The following RHPN2 variants were observed in gnomAD, a reference collection of about 807,000 sequenced individuals.
RHPN2 encodes the protein rhophilin-2.
In RHPN2, 40 loss-of-function variants were observed where a neutral mutation model predicts 79.0. The observed-to-expected ratio is 0.51, with a 90% CI of 0.39 to 0.66. RHPN2 has a LOEUF of 0.66. RHPN2 is among the 30% of genes least tolerant of loss of function. The probability of loss-of-function intolerance (pLI) is 0.00; values close to 1 mark genes in which losing one functional copy is unlikely to be tolerated. For missense variants in RHPN2, 686 were observed against 883.5 expected (o/e 0.78, Z 2.83); for synonymous variants, 285 against 363.5 (o/e 0.78, Z 2.46).
chr19:33,045,749 C>T (rs968749063), intron 1 of RHPN2, among the ~76,000 whole-genome samples: 3 of 152,224 alleles, frequency 2.0e-5, no homozygotes, highest in Non-Finnish European at 2.9e-5. Flanking sequence ...GCTGGGATTA[C>T]AGGCGCGAGC....
intron 9 of RHPN2, 85 bp downstream of exon 9, chr19:33,002,162 C>A: frequency 6.7e-7 from 1 of 1,490,690 alleles, no homozygotes; most frequent in African/African-American, 1.4e-5. Flanking sequence ...CCAGGGAAGG[C>A]AGTTAGCTCT....
At chr19:33,036,886 C>T (rs1426470517) in intron 2 of RHPN2, among the ~76,000 whole-genome samples, 1 of 149,276 alleles carries the variant, frequency 6.7e-6, no homozygotes, top group East Asian at 2.0e-4. Context: ...CCGCCACCCT[C>T]TGTGGGCTCC....
At chr19:33,036,067 A>C (rs1972053328) in intron 2 of RHPN2, among the ~76,000 whole-genome samples, 1 of 151,496 alleles carries the variant, frequency 6.6e-6, no homozygotes, top group African/African-American at 2.4e-5. Flanking sequence ...CAGTGAGCAG[A>C]GATCAGGCCA....
chr19:32,983,754 G>A (rs1971595560), intron 14 of RHPN2, among the ~76,000 whole-genome samples: 1 of 149,050 alleles, frequency 6.7e-6, no homozygotes, highest in Non-Finnish European at 1.5e-5. Flanking sequence ...AGCCTCCCAA[G>A]TAGCTGGGAT....
In RHPN2 at chr19:33,026,544, C is replaced by T. The variant is rs1220002236; in HGVS notation, c.274G>A (p.Glu92Lys). The T allele has an allele frequency of 1.2e-6, 2 of 1,609,016 alleles. No individual in the cohort carries two copies. The highest frequency in any genetic ancestry group is 1.7e-6 in the Non-Finnish European group (2 of 1,179,824). The change falls in exon 3 of 15, where the codon GAG becomes AAG. Residue 92 changes from glutamate to lysine, a missense_variant. Physicochemically the swap from Glu to Lys is moderately conservative, Grantham distance 56. Transcript: ENST00000254260. ...ACGCCCACCGAGATGTTCAGCCCCT[C>T]CAGCTCTTCCTTGAGCATCTGCAGG... ...SDLQMLKEEL[E>K]GLNISVGVYQ...
At chr19:33,012,758 G>T in intron 4 of RHPN2, 34 bp from the exon 5 acceptor site, 2 of 1,273,810 alleles carry the variant, frequency 1.6e-6, no homozygotes, top group Non-Finnish European at 2.3e-6. Context: ...GTTATAAAGT[G>T]TGGCTGAAAA....
intron 4 of RHPN2, among the ~76,000 whole-genome samples, chr19:33,019,759 G>C (rs997988133): frequency 6.6e-6 from 1 of 151,230 alleles, no homozygotes; most frequent in Non-Finnish European, 1.5e-5. Context: ...GTGAGACTCT[G>C]TCTCAAAATA....
intron 3 of RHPN2, among the ~76,000 whole-genome samples, chr19:33,024,469 C>T (rs185337679): frequency 2.6e-5 from 4 of 152,102 alleles, no homozygotes; most frequent in African/African-American, 9.6e-5. Flanking sequence ...AAAAACCGTA[C>T]AGGAGCCCAC....
At chr19:33,064,361 T>C (rs1009834415) in intron 1 of RHPN2, among the ~76,000 whole-genome samples, 1 of 152,066 alleles carries the variant, frequency 6.6e-6, no homozygotes, top group Non-Finnish European at 1.5e-5. Context: ...CCTGGGATGG[T>C]CTGTCTCCAC....
intron 2 of RHPN2, among the ~76,000 whole-genome samples, chr19:33,031,894 GA>G (rs1972015790): frequency 1.3e-5 from 2 of 151,490 alleles, no homozygotes; most frequent in African/African-American, 4.8e-5. Flanking sequence ...TAATTTATTG[GA>G]TTTTTAGTAG....
At chr19:33,007,104 CTA>C (rs1971797609) in intron 7 of RHPN2, among the ~76,000 whole-genome samples, 2 of 152,222 alleles carry the variant, frequency 1.3e-5, no homozygotes, top group East Asian at 3.9e-4. Context: ...GGGAACTGAG[CTA>C]TGAGACATCC....
At chr19:33,040,922 A>T (rs1180637389) in intron 2 of RHPN2, among the ~76,000 whole-genome samples, 1 of 152,034 alleles carries the variant, frequency 6.6e-6, no homozygotes, top group Non-Finnish European at 1.5e-5. Context: ...TCGACACTGC[A>T]CTCCATCCTG....
intron 2 of RHPN2, among the ~76,000 whole-genome samples, chr19:33,032,457 G>T (rs1972021295): frequency 6.6e-6 from 1 of 152,144 alleles, no homozygotes; most frequent in Admixed American, 6.5e-5. Context: ...TCTCACCATG[G>T]CTTGTGCTTT....
chr19:32,985,078 A>G (rs1039663238), intron 14 of RHPN2, among the ~76,000 whole-genome samples: 1 of 151,718 alleles, frequency 6.6e-6, no homozygotes, highest in African/African-American at 2.4e-5. Context: ...GGCTCACTGC[A>G]ACCTCTGCCT....
chr19:33,009,160 T>C (rs1266609676), intron 6 of RHPN2, among the ~76,000 whole-genome samples: 2 of 152,066 alleles, frequency 1.3e-5, no homozygotes, highest in African/African-American at 4.8e-5. Flanking sequence ...AACTCTTCTG[T>C]ATGACACTGC....
chr19:33,032,811 T>C (rs1340709777), intron 2 of RHPN2, among the ~76,000 whole-genome samples: 2 of 152,194 alleles, frequency 1.3e-5, no homozygotes, highest in Non-Finnish European at 2.9e-5. Flanking sequence ...TCCTTTTGTC[T>C]AGTGAATATA....
Position 32,979,933 on chromosome 19 carries a change from A to G in RHPN2, c.*63T>C, listed in dbSNP as rs1171007700. 1 of 1,584,310 alleles carries G rather than the reference A, an allele frequency of 6.3e-7. No homozygotes were observed. The highest frequency in any genetic ancestry group is 2.2e-5 in the East Asian group (1 of 44,756). On this transcript the variant is annotated 3_prime_UTR_variant, in exon 15 of 15. Transcript: ENST00000254260. ...AGATAGATATTTTCCATTATGGCAC[A>G]AACGTTTAAGGCCGAGTCAGCACCG...
chr19:33,033,559 C>T (rs1009005679), intron 2 of RHPN2, among the ~76,000 whole-genome samples: 1 of 145,518 alleles, frequency 6.9e-6, no homozygotes, highest in Non-Finnish European at 1.5e-5. Context: ...AGCGAGTCTC[C>T]ATCTCAAAAA....
intron 2 of RHPN2, among the ~76,000 whole-genome samples, chr19:33,040,239 T>C (rs1406230815): frequency 6.9e-6 from 1 of 145,466 alleles, no homozygotes; most frequent in East Asian, 2.0e-4. Context: ...GCCTTTTTTT[T>C]TTTTTTTTTT....
Sources: gnomAD v4.1 joint callset for allele counts (sites outside exome capture counted in the v4.1 genomes callset) on GRCh38, gnomAD v4.1.1 for gene constraint, MANE v1.5 for transcripts, NCBI Gene and HGNC (gene_info 2026-07-23, HGNC 2026-07-21) for gene names.